NTSR1: variants seen among roughly 807,000 people sequenced by gnomAD.
NTSR1 encodes the protein neurotensin receptor 1.
A neutral mutation model predicts 31.2 loss-of-function variants in NTSR1; 29 were observed. The observed-to-expected ratio is 0.93, with a 90% confidence interval of 0.69 to 1.27. NTSR1 has a LOEUF of 1.27. Among genes scored for constraint, NTSR1 ranks in the 50% most tolerant of loss-of-function variants. NTSR1 has a pLI of 0.00. For synonymous variants in NTSR1, 282 were observed against 269.9 expected, an observed-to-expected ratio of 1.04 and a Z score of -0.44; for missense variants, 697 against 595.4, an observed-to-expected ratio of 1.17 and a Z score of -1.78.
At chr20:62,757,918 C>T (rs6090016) in intron 2 of NTSR1, among the ~76,000 whole-genome samples, 2 of 152,224 alleles carry the variant, frequency 1.3e-5, no homozygotes, top group South Asian at 4.2e-4. Flanking sequence ...GTCTCCCCCA[C>T]TGAGCCCACG....
In NTSR1 at chr20:62,745,523, CAG is replaced by C. The variant is rs1413620792; in HGVS notation, c.715-9158_715-9157del. ...ACAGACACAGGAAAACAGTGAAAGA[CAG>C]AGACACAGAGGAAAACACACAGATA... On this transcript the variant is annotated intron_variant, in intron 1 of 3. Transcript: ENST00000370501. The surrounding 1 kb of genome is among the most constrained non-coding windows in gnomAD (Gnocchi z 4.1). Among the ~76,000 whole-genome samples, 1 of 151,850 alleles carries C rather than the reference CAG, an allele frequency of 6.6e-6. No individual in the cohort carries two copies. Among genetic ancestry groups the C allele is most frequent in the African/African-American group, 2.4e-5 (1 of 41,318 alleles).
intron 1 of NTSR1, among the ~76,000 whole-genome samples, chr20:62,727,913 G>A (rs1376760814): frequency 6.6e-6 from 1 of 152,250 alleles, no homozygotes; most frequent in Non-Finnish European, 1.5e-5. Flanking sequence ...CCCGGCGTGG[G>A]CCGACCCAGC....
At position 62,760,517 on chromosome 20, in the gene NTSR1, C is replaced by T. The variant is rs1362778372; in HGVS notation, c.*250C>T. On this transcript the variant is annotated 3_prime_UTR_variant, in exon 4 of 4. Transcript: ENST00000370501. ...TTGAAAGCCAGAACAAGAGAGCGCT[C>T]CTCTCCCAGATAGGAAAAGGGCCTC... 2.6e-5 allele frequency: 12 copies of T among 461,852 alleles called. No homozygotes were observed. In the East Asian group the frequency reaches 3.2e-4, roughly 12 times the overall value. 28.6% of individuals were successfully genotyped at this position (461,852 alleles called of 1,614,324 possible). A position where few individuals can be genotyped will look rare whatever the true frequency, so the allele number is the denominator to read the frequency against.
chr20:62,717,993 T>G (rs1475760982), intron 1 of NTSR1, among the ~76,000 whole-genome samples: 1 of 151,720 alleles, frequency 6.6e-6, no homozygotes, highest in Non-Finnish European at 1.5e-5. Flanking sequence ...GCAGGAGCAC[T>G]CCGGTGGGCG....
At position 62,709,333 on chromosome 20, in the gene NTSR1, G is replaced by A. The variant is rs796663462; in HGVS notation, c.126G>A (p.Ala42=). The A allele has an allele frequency of 3.1e-6, 5 of 1,608,886 alleles. No individual in the cohort carries two copies. The highest frequency in any genetic ancestry group is 1.1e-5 in the South Asian group (1 of 90,862). ...APGFGNASGN[A]SERVLAAPSS... ...GCTTCGGCAACGCTTCGGGCAACGC[G>A]TCGGAGCGCGTCCTGGCGGCACCCA... is the stretch of plus-strand genomic sequence containing the variant. Residue 42 remains alanine, a synonymous_variant, in exon 1 of 4, where the codon GCG becomes GCA. Coordinates refer to ENST00000370501, the MANE Select transcript of NTSR1 (RefSeq NM_002531.3).
At position 62,745,914 on chromosome 20, in the gene NTSR1, G is replaced by A. The variant is rs572168112; in HGVS notation, c.715-8771G>A. Among the ~76,000 whole-genome samples, 3 of 152,348 alleles carry A rather than the reference G, an allele frequency of 2.0e-5. No homozygotes were observed. Among genetic ancestry groups the A allele is most frequent in the East Asian group, 1.9e-4 (1 of 5,180 alleles). Reference sequence around the variant, plus strand: ...TCCCTGCTCTCTTTAGAGACAAATCGAAAGGCGCCAGGGTGCTGTGGCATC... The same window carrying A: ...TCCCTGCTCTCTTTAGAGACAAATCAAAAGGCGCCAGGGTGCTGTGGCATC... On this transcript the variant is annotated intron_variant, in intron 1 of 3. Transcript: ENST00000370501. The surrounding 1 kb of genome is among the most constrained non-coding windows in gnomAD (Gnocchi z 4.1).
intron 1 of NTSR1, among the ~76,000 whole-genome samples, chr20:62,738,734 T>A (rs1174408423): frequency 6.6e-6 from 1 of 152,202 alleles, no homozygotes; most frequent in Non-Finnish European, 1.5e-5. Context: ...TGGGAACACG[T>A]CCAGGCTCAC....
intron 1 of NTSR1, among the ~76,000 whole-genome samples, chr20:62,726,106 C>A (rs1988902004): frequency 6.6e-6 from 1 of 152,236 alleles, no homozygotes. Context: ...TCCACCGGGT[C>A]ACCGGCAGCT....
At chr20:62,757,242 A>C (rs1989527410) in intron 2 of NTSR1, among the ~76,000 whole-genome samples, 1 of 152,174 alleles carries the variant, frequency 6.6e-6, no homozygotes, top group Non-Finnish European at 1.5e-5. Flanking sequence ...CTTCAAGTCC[A>C]TTTTTGTATA....
chr20:62,758,415 GGTGGGT>G lies in NTSR1; in HGVS notation c.1007+64_1007+69del. 1 of 1,484,246 alleles carries G rather than the reference GGTGGGT, an allele frequency of 6.7e-7. No homozygotes were observed. Among genetic ancestry groups the G allele is most frequent in the Non-Finnish European group, 9.4e-7 (1 of 1,066,174 alleles). 91.9% of individuals were successfully genotyped at this position (1,484,246 alleles called of 1,614,324 possible). On this transcript the variant is annotated intron_variant, in intron 3 of 3. Coordinates refer to ENST00000370501, the MANE Select transcript of NTSR1 (RefSeq NM_002531.3). The surrounding 1 kb of genome is among the most constrained non-coding windows in gnomAD (Gnocchi z 4.5). ...ACAAGTAAGTGCTCCCAAAACAGATGGTGGGTGTGGCAGGCACTGCTGAGGGGATCC... is the reference window on the plus strand; with the variant it reads ...ACAAGTAAGTGCTCCCAAAACAGATGGTGGCAGGCACTGCTGAGGGGATCC...
chr20:62,754,660 C>T (rs540068509), intron 1 of NTSR1, 25 bp from the exon 2 acceptor site: 8 of 1,598,974 alleles, frequency 5.0e-6, no homozygotes, highest in South Asian at 3.3e-5. Flanking sequence ...CTGGCTCTGA[C>T]AGCCTCGCCC....
chr20:62,725,947 G>A (rs1192502759), intron 1 of NTSR1, among the ~76,000 whole-genome samples: 1 of 152,282 alleles, frequency 6.6e-6, no homozygotes, highest in East Asian at 1.9e-4. Flanking sequence ...GGGTGGCTCT[G>A]CCCTGTACCC....
intron 1 of NTSR1, among the ~76,000 whole-genome samples, chr20:62,749,530 A>T (rs1377623089): frequency 5.3e-5 from 8 of 152,222 alleles, no homozygotes; most frequent in African/African-American, 1.9e-4. Flanking sequence ...CATAAATGAG[A>T]CTACATTAAA....
rs762342010 is a variant in NTSR1 at position 62,715,219 on chromosome 20, G to A, written c.714+5298G>A. On this transcript the variant is annotated intron_variant, in intron 1 of 3. Transcript: ENST00000370501. The surrounding 1 kb of genome is among the most constrained non-coding windows in gnomAD (Gnocchi z 4.7). ...GATGGTGACTCTGAGGCTGTGGGGG[G>A]TGAGAGGGCAGGACAGGGAGGTGAC... 1.2e-4 allele frequency among the ~76,000 whole-genome samples: 19 copies of A among 152,196 alleles called. No homozygotes were observed. Among genetic ancestry groups the A allele is most frequent in the Non-Finnish European group, 2.1e-4 (14 of 68,030 alleles).
chr20:62,729,358 A>G (rs1988964828), intron 1 of NTSR1, among the ~76,000 whole-genome samples: 1 of 152,182 alleles, frequency 6.6e-6, no homozygotes. Flanking sequence ...GGAGAATGGA[A>G]AGATCTGGAA....
chr20:62,759,968 G>T lies in NTSR1; in HGVS notation c.1008-50G>T, dbSNP rs759639158. 1.3e-6 allele frequency: 2 copies of T among 1,595,070 alleles called. 1 individual carries two copies. The highest frequency in any genetic ancestry group is 2.2e-5 in the South Asian group (2 of 89,760). ...TGGCCCCGGCTGTCACCCTGCCTTGGGGCCCTCAAGAGTTCTCTCTGGGAT... is the reference window on the plus strand; with the variant it reads ...TGGCCCCGGCTGTCACCCTGCCTTGTGGCCCTCAAGAGTTCTCTCTGGGAT... On this transcript the variant is annotated intron_variant, in intron 3 of 3. Coordinates refer to ENST00000370501, the MANE Select transcript of NTSR1 (RefSeq NM_002531.3).
chr20:62,710,464 A>C (rs1211863359), intron 1 of NTSR1, among the ~76,000 whole-genome samples: 1 of 152,162 alleles, frequency 6.6e-6, no homozygotes, highest in African/African-American at 2.4e-5. Flanking sequence ...CAGAAGGTAG[A>C]GCATTGGAGA....
At position 62,744,554 on chromosome 20, in the gene NTSR1, CAA is replaced by C. The variant is rs11481597; in HGVS notation, c.715-10117_715-10116del. ...TGGGTGACAGAACAAGACTCCGTCT[CAA>C]AAAAAAAAAAAAATACAAAATTAGC... On this transcript the variant is annotated intron_variant, in intron 1 of 3. Coordinates refer to ENST00000370501, the MANE Select transcript of NTSR1 (RefSeq NM_002531.3). This position sits in a 1 kb window ranked among gnomAD's most constrained non-coding sequence, Gnocchi z 4.1. 5.1e-5 allele frequency among the ~76,000 whole-genome samples: 6 copies of C among 116,790 alleles called. No homozygotes were observed. The highest frequency in any genetic ancestry group is 8.6e-5 in the Admixed American group (1 of 11,596). 76.6% of individuals were successfully genotyped at this position (116,790 alleles called of 152,430 possible).
rs1213222585 is a variant in NTSR1, at chr20:62,715,587, G to A, written c.714+5666G>A. 1.3e-5 allele frequency among the ~76,000 whole-genome samples: 2 copies of A among 152,234 alleles called. No individual in the cohort carries two copies. Among genetic ancestry groups the A allele is most frequent in the African/African-American group, 4.8e-5 (2 of 41,460 alleles). ...CTCGAGAGTGACTTGGCCCAGAGTG[G>A]TTCAGGCTCACCTGTTCACAGCTCT... On this transcript the variant is annotated intron_variant, in intron 1 of 3. Transcript: ENST00000370501. This position sits in a 1 kb window ranked among gnomAD's most constrained non-coding sequence, Gnocchi z 4.7.
Sources: gnomAD v4.1 joint callset for allele counts (sites outside exome capture counted in the v4.1 genomes callset) on GRCh38, gnomAD v4.1.1 for gene constraint, Gnocchi (gnomAD v3.1) non-coding constraint, MANE v1.5 for transcripts, NCBI Gene and HGNC (gene_info 2026-07-23, HGNC 2026-07-21) for gene names.